ANKS1A: variants seen among roughly 807,000 people sequenced by gnomAD.
The protein encoded by ANKS1A is ankyrin repeat and SAM domain-containing protein 1A.
ANKS1A carries 55 observed loss-of-function variants against 120.3 expected under a neutral mutation model. The ratio of observed to expected loss-of-function variants is 0.46; its 90% confidence interval spans 0.37 to 0.57. The LOEUF is 0.57. Among genes scored for constraint, ANKS1A ranks in the 20% least tolerant of loss-of-function variants. ANKS1A has a pLI of 0.00. For synonymous variants in ANKS1A, 590 were observed against 604.7 expected (o/e 0.98, Z 0.36); for missense variants, 1,123 against 1,480.3 (o/e 0.76, Z 3.96).
Position 34,889,627 on chromosome 6 carries a change from G to T in ANKS1A, c.197+28G>T. On this transcript the variant is annotated intron_variant, in intron 1 of 23. Transcript: ENST00000360359. The surrounding 1 kb of genome is among the most constrained non-coding windows in gnomAD (Gnocchi z 5.5). Reference sequence around the variant, plus strand: ...GGGTACGCGCCAGGGCCGGGCCGCTGCCTGCAGACCCTTTCTCCCCCACCC... The same window carrying T: ...GGGTACGCGCCAGGGCCGGGCCGCTTCCTGCAGACCCTTTCTCCCCCACCC... 15 of 1,279,732 alleles carry T rather than the reference G, an allele frequency of 1.2e-5. No homozygotes were observed. The highest frequency in any genetic ancestry group is 1.5e-5 in the Non-Finnish European group (15 of 1,017,722). The allele number at this position is 1,279,732 out of a possible 1,614,324, so 79.3% of individuals were successfully genotyped here. A position where few individuals can be genotyped will look rare whatever the true frequency, so the allele number is the denominator to read the frequency against.
intron 11 of ANKS1A, among the ~76,000 whole-genome samples, chr6:35,053,061 C>T (rs772006580): frequency 4.6e-5 from 7 of 152,200 alleles, no homozygotes; most frequent in South Asian, 2.1e-4. Context: ...GTCAGATGCA[C>T]GGCTTTGTCT....
chr6:34,979,408 A>C (rs1188839095), intron 3 of ANKS1A, among the ~76,000 whole-genome samples: 1 of 152,186 alleles, frequency 6.6e-6, no homozygotes, highest in Admixed American at 6.5e-5. Context: ...ACTGAAACCT[A>C]AGTAAGATGC....
chr6:34,972,412 G>C (rs1205230068), intron 3 of ANKS1A, among the ~76,000 whole-genome samples: 1 of 152,016 alleles, frequency 6.6e-6, no homozygotes, highest in East Asian at 1.9e-4. Context: ...GATTAAAGGG[G>C]GGTAAGAGTA....
chr6:35,055,101 G>C (rs1171159467), intron 12 of ANKS1A, among the ~76,000 whole-genome samples: 1 of 152,336 alleles, frequency 6.6e-6, no homozygotes. Context: ...AGTCTGATGG[G>C]TGGGCTTGAG....
chr6:35,087,238 G>A (rs966411994), intron 23 of ANKS1A, among the ~76,000 whole-genome samples, 189 bp downstream of exon 23: 7 of 152,070 alleles, frequency 4.6e-5, no homozygotes, highest in Non-Finnish European at 7.4e-5. Flanking sequence ...TGCAGCTCTC[G>A]CACCTACCAC....
intron 1 of ANKS1A, among the ~76,000 whole-genome samples, chr6:34,910,241 G>A (rs188847611): frequency 6.6e-6 from 1 of 152,266 alleles, no homozygotes; most frequent in East Asian, 1.9e-4. Context: ...AGTTGAGTGG[G>A]TGATCTCTCC....
chr6:34,945,557 C>A (rs1043014894), intron 1 of ANKS1A, among the ~76,000 whole-genome samples: 1 of 152,134 alleles, frequency 6.6e-6, no homozygotes, highest in African/African-American at 2.4e-5. Flanking sequence ...GGGTTGCTTT[C>A]TGGGCTCTCT....
chr6:34,933,584 A>G (rs559299091), intron 1 of ANKS1A, among the ~76,000 whole-genome samples: 2 of 152,304 alleles, frequency 1.3e-5, no homozygotes, highest in African/African-American at 4.8e-5. Flanking sequence ...TGGTCAGGCT[A>G]GTTGCAAACT....
chr6:34,999,470 G>A (rs996454185), intron 10 of ANKS1A, among the ~76,000 whole-genome samples: 1 of 152,186 alleles, frequency 6.6e-6, no homozygotes, highest in South Asian at 2.1e-4. Flanking sequence ...TGTGGTGTGA[G>A]CGTGGTGTTT....
At chr6:35,046,283 C>T (rs1310764174) in intron 11 of ANKS1A, among the ~76,000 whole-genome samples, 2 of 152,146 alleles carry the variant, frequency 1.3e-5, no homozygotes, top group Non-Finnish European at 2.9e-5. Flanking sequence ...GTGCTGAGAG[C>T]CCTTCACCCA....
chr6:34,952,961 C>T (rs1581741086), intron 1 of ANKS1A, among the ~76,000 whole-genome samples: 2 of 152,112 alleles, frequency 1.3e-5, no homozygotes, highest in African/African-American at 2.4e-5. Flanking sequence ...CCACCCATCC[C>T]GGCCTCCCAA....
chr6:35,082,886 G>C lies in ANKS1A; in HGVS notation c.2835+70G>C. ...TTCTCGGCCAGGCACCTGCGGCCAAGTCCCAGCAGGGACTCCACAAAGCCA... is the reference window on the plus strand; with the variant it reads ...TTCTCGGCCAGGCACCTGCGGCCAACTCCCAGCAGGGACTCCACAAAGCCA... On this transcript the variant is annotated intron_variant, in intron 18 of 23. Transcript: ENST00000360359. The surrounding 1 kb of genome is among the most constrained non-coding windows in gnomAD (Gnocchi z 4.1). The C allele has an allele frequency of 6.4e-7, 1 of 1,564,778 alleles. No individual in the cohort carries two copies. The highest frequency in any genetic ancestry group is 8.6e-7 in the Non-Finnish European group (1 of 1,157,260).
intron 10 of ANKS1A, among the ~76,000 whole-genome samples, chr6:35,014,430 G>A (rs370558454): frequency 2.0e-5 from 3 of 151,958 alleles, no homozygotes; most frequent in South Asian, 2.1e-4. Flanking sequence ...TCCTTCCTCC[G>A]TAAGTTTCCA....
chr6:35,037,095 G>T (rs761922121), intron 11 of ANKS1A, among the ~76,000 whole-genome samples: 1 of 152,216 alleles, frequency 6.6e-6, no homozygotes, highest in Non-Finnish European at 1.5e-5. Context: ...AAAATGTAAT[G>T]CAAGTTTTAT....
chr6:35,037,969 G>C (rs1425359419), intron 11 of ANKS1A, among the ~76,000 whole-genome samples: 1 of 152,126 alleles, frequency 6.6e-6, no homozygotes, highest in Admixed American at 6.5e-5. Flanking sequence ...CTGGGCCAGG[G>C]AGAGGGCACG....
intron 9 of ANKS1A, among the ~76,000 whole-genome samples, chr6:34,990,482 A>AC (rs975341708): frequency 1.6e-5 from 2 of 125,766 alleles, no homozygotes; most frequent in Non-Finnish European, 3.3e-5. Flanking sequence ...TTGTCTCATT[A>AC]CCCCCCTCCT....
intron 11 of ANKS1A, among the ~76,000 whole-genome samples, chr6:35,029,035 T>C (rs78441560): frequency 0.02 from 2,996 of 152,354 alleles, 43 homozygotes; most frequent in African/African-American, 0.04. Context: ...CTCTTTTTGG[T>C]TAACAGATTG....
intron 1 of ANKS1A, among the ~76,000 whole-genome samples, chr6:34,943,524 A>C (rs1769634054): frequency 6.6e-6 from 1 of 152,178 alleles, no homozygotes. Context: ...CCATTATAGT[A>C]TTAAATATCA....
Position 34,941,275 on chromosome 6 carries a change from C to T in ANKS1A, c.198-25964C>T, listed in dbSNP as rs536770949. 6.6e-5 allele frequency among the ~76,000 whole-genome samples: 10 copies of T among 152,230 alleles called. No individual in the cohort carries two copies. In the East Asian group the frequency reaches 1.2e-3, roughly 18 times the overall value. On this transcript the variant is annotated intron_variant, in intron 1 of 23. Transcript: ENST00000360359. ...TGTTGGGATTACAGGTGTGAGCCAC[C>T]GCGCCAGCCTAACAATTTTATGTAT...
Sources: gnomAD v4.1 joint callset for allele counts (sites outside exome capture counted in the v4.1 genomes callset) on GRCh38, gnomAD v4.1.1 for gene constraint, Gnocchi (gnomAD v3.1) non-coding constraint, MANE v1.5 for transcripts, NCBI Gene and HGNC (gene_info 2026-07-23, HGNC 2026-07-21) for gene names.